PDE8A: variants seen among roughly 807,000 people sequenced by gnomAD.
PDE8A encodes phosphodiesterase 8A, also known as high affinity cAMP-specific and IBMX-insensitive 3',5'-cyclic phosphodiesterase 8A.
PDE8A carries 59 observed loss-of-function variants against 105.0 expected under a neutral mutation model. The observed-to-expected ratio is 0.56, with a 90% CI of 0.46 to 0.70. The LOEUF is 0.70. Ranked by LOEUF, PDE8A falls within the 30% of genes least tolerant of loss-of-function variation. The pLI is 0.00. For missense variants in PDE8A, 1,014 were observed against 1,045.9 expected (o/e 0.97, Z 0.42); for synonymous variants, 355 against 371.9 (o/e 0.95, Z 0.52).
intron 8 of PDE8A, among the ~76,000 whole-genome samples, chr15:85,096,735 A>G (rs892628553): frequency 6.6e-6 from 1 of 152,094 alleles, no homozygotes; most frequent in Non-Finnish European, 1.5e-5. Context: ...ACCAAGGCCC[A>G]TACCTCCCTT....
chr15:85,083,831 GT>G lies in PDE8A; in HGVS notation c.635+188del, dbSNP rs762604263. Among the ~76,000 whole-genome samples the G allele has an allele frequency of 1.5e-4, 23 of 152,322 alleles. 1 individual carries two copies. Among genetic ancestry groups the G allele is most frequent in the Admixed American group, 2.0e-4 (3 of 15,306 alleles). On this transcript the variant is annotated intron_variant, in intron 6 of 21. Transcript: ENST00000394553. Reference sequence around the variant, plus strand: ...GGATGTCTAATAAGGGGTCATTTTAGTGATTAGAGACTCACATTTAAAGATG... The same window carrying G: ...GGATGTCTAATAAGGGGTCATTTTAGGATTAGAGACTCACATTTAAAGATG...
intron 1 of PDE8A, among the ~76,000 whole-genome samples, chr15:85,001,629 G>C (rs922646697): frequency 2.0e-5 from 3 of 152,170 alleles, no homozygotes; most frequent in African/African-American, 7.2e-5. Flanking sequence ...TGAGGTTGTT[G>C]AAGTGGCTTC....
intron 1 of PDE8A, among the ~76,000 whole-genome samples, chr15:85,018,571 T>C (rs2080368034): frequency 6.6e-6 from 1 of 152,202 alleles, no homozygotes; most frequent in Non-Finnish European, 1.5e-5. Flanking sequence ...TAGGAATAAG[T>C]AACATTGCCA....
chr15:85,073,070 C>T (rs77973468), intron 3 of PDE8A, among the ~76,000 whole-genome samples: 11 of 152,150 alleles, frequency 7.2e-5, no homozygotes, highest in Non-Finnish European at 1.2e-4. Context: ...GCCATGATCA[C>T]ACCACTACAC....
intron 3 of PDE8A, among the ~76,000 whole-genome samples, chr15:85,070,337 T>C (rs2081292266): frequency 6.6e-6 from 1 of 152,184 alleles, no homozygotes; most frequent in Non-Finnish European, 1.5e-5. Context: ...ACGTTGTAAG[T>C]CTCCTCAGGT....
chr15:85,049,148 A>T (rs2080933069), intron 1 of PDE8A, among the ~76,000 whole-genome samples: 1 of 152,110 alleles, frequency 6.6e-6, no homozygotes, highest in South Asian at 2.1e-4. Flanking sequence ...TACAGACCAG[A>T]TGTCTCCTTT....
At chr15:85,137,138 C>T (rs1275697276) in intron 21 of PDE8A, among the ~76,000 whole-genome samples, 1 of 152,192 alleles carries the variant, frequency 6.6e-6, no homozygotes, top group African/African-American at 2.4e-5. Context: ...CCACGTGCAT[C>T]TTCGTCCTGA....
intron 1 of PDE8A, among the ~76,000 whole-genome samples, chr15:85,053,505 G>C (rs1480304676): frequency 1.3e-5 from 2 of 152,154 alleles, no homozygotes; most frequent in Admixed American, 6.5e-5. Flanking sequence ...GTTGAGCAGT[G>C]GTTTGTAGTT....
chr15:85,074,198 C>T (rs1158913253), intron 3 of PDE8A, among the ~76,000 whole-genome samples: 1 of 152,196 alleles, frequency 6.6e-6, no homozygotes, highest in African/African-American at 2.4e-5. Flanking sequence ...CCTTTCTCAA[C>T]CTGGATTCCA....
chr15:85,042,920 T>G (rs1332800146), intron 1 of PDE8A, among the ~76,000 whole-genome samples: 2 of 152,242 alleles, frequency 1.3e-5, no homozygotes, highest in African/African-American at 4.8e-5. Flanking sequence ...TTATGGGAAC[T>G]GTGGGTGATT....
At chr15:85,062,110 G>C (rs543030671) in intron 1 of PDE8A, among the ~76,000 whole-genome samples, 4 of 152,110 alleles carry the variant, frequency 2.6e-5, no homozygotes, top group Admixed American at 1.3e-4. Flanking sequence ...GATGGTTGCT[G>C]TTGATTTAGT....
intron 6 of PDE8A, among the ~76,000 whole-genome samples, chr15:85,088,689 T>A (rs750601048): frequency 2.0e-5 from 3 of 152,238 alleles, no homozygotes; most frequent in Non-Finnish European, 2.9e-5. Flanking sequence ...TTATCGACTG[T>A]CTTTTTTATT....
intron 18 of PDE8A, among the ~76,000 whole-genome samples, chr15:85,121,402 A>G (rs904974866): frequency 6.6e-6 from 1 of 152,240 alleles, no homozygotes; most frequent in Admixed American, 6.5e-5. Flanking sequence ...CAGCTTGAGC[A>G]ACAGAGCCTT....
intron 1 of PDE8A, among the ~76,000 whole-genome samples, chr15:85,010,149 G>T (rs1388367987): frequency 2.0e-5 from 3 of 152,176 alleles, no homozygotes; most frequent in African/African-American, 7.2e-5. Context: ...AAGGCTTGAG[G>T]GCTTTTGAAT....
chr15:84,993,688 T>C (rs1468058864), intron 1 of PDE8A, among the ~76,000 whole-genome samples: 1 of 151,850 alleles, frequency 6.6e-6, no homozygotes, highest in Non-Finnish European at 1.5e-5. Flanking sequence ...GAGAACAGCT[T>C]GGGAAACATA....
At chr15:85,037,632 T>G (rs2141386433) in intron 1 of PDE8A, among the ~76,000 whole-genome samples, 1 of 152,370 alleles carries the variant, frequency 6.6e-6, no homozygotes, top group South Asian at 2.1e-4. Context: ...CCTGTAGAAA[T>G]ATGTCATTCC....
chr15:85,131,880 GTTT>G (rs895650591), intron 20 of PDE8A, among the ~76,000 whole-genome samples: 1 of 152,132 alleles, frequency 6.6e-6, no homozygotes, highest in Non-Finnish European at 1.5e-5. Flanking sequence ...TCAGTTGACA[GTTT>G]TTTATCTTTT....
chr15:85,121,996 C>T (rs1486638518), intron 18 of PDE8A, among the ~76,000 whole-genome samples: 1 of 152,168 alleles, frequency 6.6e-6, no homozygotes, highest in Non-Finnish European at 1.5e-5. Context: ...CTCTTAGAGA[C>T]TCAAAGAAGC....
chr15:85,085,675 C>CAAAAAGTA (rs2081540468), intron 6 of PDE8A, among the ~76,000 whole-genome samples: 1 of 115,380 alleles, frequency 8.7e-6, no homozygotes, highest in African/African-American at 3.4e-5. Flanking sequence ...GACTCTGTCT[C>CAAAAAGTA]AAAAAAAAAA....
Sources: gnomAD v4.1 joint callset for allele counts (sites outside exome capture counted in the v4.1 genomes callset) on GRCh38, gnomAD v4.1.1 for gene constraint, MANE v1.5 for transcripts, NCBI Gene and HGNC (gene_info 2026-07-23, HGNC 2026-07-21) for gene names.